Variants in GATAD2A observed in about 807,000 individuals in gnomAD.
GATAD2A encodes the protein GATA zinc finger domain containing 2A, also known as transcriptional repressor p66-alpha.
A neutral mutation model predicts 68.5 loss-of-function variants in GATAD2A; 12 were observed. That is an observed-to-expected ratio of 0.18 (90% CI 0.11 to 0.28). GATAD2A has a LOEUF of 0.28. Ranked by LOEUF, GATAD2A falls within the 10% of genes least tolerant of loss-of-function variation. The pLI, the probability that GATAD2A is intolerant of heterozygous loss-of-function variation, is 1.00. For synonymous variants in GATAD2A, 410 were observed against 375.3 expected, an observed-to-expected ratio of 1.09 and a Z score of -1.07; for missense variants, 755 against 868.5, an observed-to-expected ratio of 0.87 and a Z score of 1.64.
At position 19,478,679 on chromosome 19, in the gene GATAD2A, G is replaced by A. The variant is rs1279780549; in HGVS notation, c.269+13065G>A. Among the ~76,000 whole-genome samples, 8 of 151,894 alleles carry A rather than the reference G, an allele frequency of 5.3e-5. No individual in the cohort carries two copies. The East Asian group carries it at 7.7e-4, about 15-fold the overall frequency. On this transcript the variant is annotated intron_variant, in intron 2 of 11. Coordinates refer to ENST00000683918, the MANE Select transcript of GATAD2A (RefSeq NM_001384528.1). ...TCCAAAAAAATTGCAGAGTGGTGGC[G>A]CACACTTGTAGTCCCAGCTATTCGG... is the stretch of plus-strand genomic sequence containing the variant.
At chr19:19,460,923 GC>G (rs2057375353) in intron 1 of GATAD2A, among the ~76,000 whole-genome samples, 1 of 152,122 alleles carries the variant, frequency 6.6e-6, no homozygotes, top group South Asian at 2.1e-4. Flanking sequence ...TTCCGGTGCC[GC>G]CCGTTCCACC....
chr19:19,480,233 A>C (rs148770733), intron 2 of GATAD2A, among the ~76,000 whole-genome samples: 1 of 152,240 alleles, frequency 6.6e-6, no homozygotes, highest in East Asian at 1.9e-4. Flanking sequence ...CATTTTACTC[A>C]CGTATGAGTT....
chr19:19,447,180 G>A (rs2147760225), intron 1 of GATAD2A, among the ~76,000 whole-genome samples: 1 of 152,272 alleles, frequency 6.6e-6, no homozygotes, highest in Middle Eastern at 3.4e-3. Context: ...GGGCATGTGT[G>A]GAGGGGAAGC....
chr19:19,438,769 TAGA>T (rs1322488493), intron 1 of GATAD2A, among the ~76,000 whole-genome samples: 1 of 152,132 alleles, frequency 6.6e-6, no homozygotes, highest in Non-Finnish European at 1.5e-5. Flanking sequence ...AGGGACTTGA[TAGA>T]AAAGGACAGT....
At chr19:19,438,648 C>T (rs1344832523) in intron 1 of GATAD2A, among the ~76,000 whole-genome samples, 1 of 152,232 alleles carries the variant, frequency 6.6e-6, no homozygotes, top group East Asian at 1.9e-4. Flanking sequence ...TCCCTCTTCT[C>T]TGTTGCCAGC....
Position 19,420,177 on chromosome 19 carries a change from G to GTT in GATAD2A, c.-7+14181_-7+14182dup, listed in dbSNP as rs71170684. Among the ~76,000 whole-genome samples, 427 of 89,868 alleles carry GTT rather than the reference G, an allele frequency of 4.8e-3. 3 individuals carry two copies. The highest frequency in any genetic ancestry group is 9.5e-3 in the African/African-American group (214 of 22,418). 59.0% of individuals were successfully genotyped at this position (89,868 alleles called of 152,430 possible). A position where few individuals can be genotyped will look rare whatever the true frequency, so the allele number is the denominator to read the frequency against. ...AGGCACGCACCACTATATCCAGCTA[G>GTT]TTTTTTTTTTTTTTTTTTTTTTTTA... is the stretch of plus-strand genomic sequence containing the variant. On this transcript the variant is annotated intron_variant, in intron 1 of 11. Transcript: ENST00000683918.
At chr19:19,443,055 C>A (rs188337074) in intron 1 of GATAD2A, among the ~76,000 whole-genome samples, 75 of 152,278 alleles carry the variant, frequency 4.9e-4, no homozygotes, top group Admixed American at 1.3e-3. Flanking sequence ...TTTAACATAG[C>A]ATGACTGAGG....
At chr19:19,467,505 G>A (rs1471779285) in intron 2 of GATAD2A, among the ~76,000 whole-genome samples, 1 of 152,058 alleles carries the variant, frequency 6.6e-6, no homozygotes, top group African/African-American at 2.4e-5. Context: ...TAAATAAGTG[G>A]GATTATATAC....
intron 1 of GATAD2A, among the ~76,000 whole-genome samples, chr19:19,415,295 G>A (rs1469727755): frequency 1.3e-5 from 2 of 151,840 alleles, no homozygotes; most frequent in African/African-American, 2.4e-5. Flanking sequence ...TGGGATTACA[G>A]GCATGTGTCA....
chr19:19,405,526 G>A (rs1467731479), upstream of GATAD2A, among the ~76,000 whole-genome samples: 1 of 152,124 alleles, frequency 6.6e-6, no homozygotes, highest in African/African-American at 2.4e-5. Flanking sequence ...CGCCCAACGA[G>A]GTGTCGCGTG....
chr19:19,466,675 G>C (rs1447273917), intron 2 of GATAD2A, among the ~76,000 whole-genome samples: 1 of 152,240 alleles, frequency 6.6e-6, no homozygotes, highest in East Asian at 1.9e-4. Context: ...GAAAACCCAA[G>C]CCTGCTCCTG....
intron 1 of GATAD2A, among the ~76,000 whole-genome samples, chr19:19,417,280 G>A (rs2051767201): frequency 1.3e-5 from 2 of 152,108 alleles, no homozygotes; most frequent in African/African-American, 2.4e-5. Context: ...TGGGTAAGTG[G>A]CCCCTGCCCT....
chr19:19,444,063 C>T (rs1031620610), intron 1 of GATAD2A, among the ~76,000 whole-genome samples: 2 of 152,106 alleles, frequency 1.3e-5, no homozygotes, highest in Non-Finnish European at 2.9e-5. Context: ...GAAGCTGAGG[C>T]CCTTGTGGGT....
chr19:19,416,819 A>G (rs1016378413), intron 1 of GATAD2A, among the ~76,000 whole-genome samples: 9 of 151,648 alleles, frequency 5.9e-5, no homozygotes, highest in East Asian at 1.9e-4. Context: ...CCAGAGTGCA[A>G]TGGCTCTATC....
chr19:19,469,275 C>A (rs1487168387), intron 2 of GATAD2A, among the ~76,000 whole-genome samples: 1 of 151,332 alleles, frequency 6.6e-6, no homozygotes, highest in Non-Finnish European at 1.5e-5. Context: ...ACTAAAAATA[C>A]AAAAAAATTA....
rs766084934 is a variant in GATAD2A at position 19,465,408 on chromosome 19, G to A, written c.63G>A (p.Glu21=). The A allele has an allele frequency of 1.4e-5, 23 of 1,613,898 alleles. No homozygotes were observed. The highest frequency in any genetic ancestry group is 1.9e-5 in the Non-Finnish European group (23 of 1,179,772). ...QKRALERDPT[E]DDVESKKIKM... ...GAGCGCTTGAACGGGACCCAACAGA[G>A]GACGATGTGGAGAGCAAGAAAATAA... The change falls in exon 2 of 12, where the codon GAG becomes GAA. Residue 21 remains glutamate (E), a synonymous_variant. Transcript: ENST00000683918.
chr19:19,495,714 G>GTCCGGTCCA, intron 5 of GATAD2A, 40 bp from the exon 6 acceptor site: 1 of 1,574,612 alleles, frequency 6.4e-7, no homozygotes, highest in Non-Finnish European at 8.7e-7. Context: ...GTGTGGGGGG[G>GTCCGGTCCA]TCCGGTCCAT....
In GATAD2A at chr19:19,461,330, G is replaced by A. The variant is rs8109046; in HGVS notation, c.-6-4010G>A. ...TCTCAGGGGTTTGGTTTTATGATTT[G>A]TGTCATGTACTTAATTTCTCTTTTA... On this transcript the variant is annotated intron_variant, in intron 1 of 11. Coordinates refer to ENST00000683918, the MANE Select transcript of GATAD2A (RefSeq NM_001384528.1). Among the ~76,000 whole-genome samples, 425 of 152,294 alleles carry A rather than the reference G, an allele frequency of 2.8e-3. 2 individuals carry two copies. Among genetic ancestry groups the A allele is most frequent in the African/African-American group, 9.9e-3 (412 of 41,550 alleles).
At chr19:19,447,009 T>G (rs186677872) in intron 1 of GATAD2A, among the ~76,000 whole-genome samples, 56 of 152,356 alleles carry the variant, frequency 3.7e-4, no homozygotes, top group Admixed American at 2.1e-3. Context: ...ATACATTGCT[T>G]CTTCTGTGCA....
Sources: allele counts gnomAD v4.1 joint callset (sites outside exome capture counted in the v4.1 genomes callset), GRCh38; gene constraint gnomAD v4.1.1; transcripts MANE v1.5; gene names NCBI Gene and HGNC (gene_info 2026-07-23, HGNC 2026-07-21).